MYO18B: variants seen among roughly 807,000 people sequenced by gnomAD.
The protein encoded by MYO18B is myosin XVIIIB, also known as unconventional myosin-XVIIIb.
MYO18B carries 204 observed loss-of-function variants against 273.0 expected under a neutral mutation model. The ratio of observed to expected loss-of-function variants is 0.75; its 90% CI spans 0.67 to 0.84. The LOEUF (loss-of-function observed/expected upper bound fraction) is 0.84, where lower values mean the gene tolerates loss of function less well. Ranked by LOEUF, MYO18B falls within the 40% of genes least tolerant of loss-of-function variation. The pLI is 0.00. For synonymous variants in MYO18B, 1,330 were observed against 1,305.7 expected, an observed-to-expected ratio of 1.02 and a Z score of -0.40; for missense variants, 3,212 against 3,287.6, an observed-to-expected ratio of 0.98 and a Z score of 0.56.
rs374841863 is a variant in MYO18B at position 25,755,998 on chromosome 22, C to T, written c.-109-4986C>T. ...CTGCAAGCTCTGCCTCCTGGGTTCA[C>T]GCCATACTTTTGCCTCAGCCTCCCC... On this transcript the variant is annotated intron_variant, in intron 1 of 43. Coordinates refer to ENST00000335473, the MANE Select transcript of MYO18B (RefSeq NM_032608.7). Among the ~76,000 whole-genome samples, 134 of 152,058 alleles carry T rather than the reference C, an allele frequency of 8.8e-4. 3 individuals are homozygous for T. The East Asian group carries it at 0.022, about 25-fold the overall frequency.
chr22:25,762,099 G>A (rs1392981335), intron 2 of MYO18B, among the ~76,000 whole-genome samples: 3 of 149,370 alleles, frequency 2.0e-5, no homozygotes, highest in African/African-American at 7.5e-5. Context: ...GCGAGACTCC[G>A]TCTCAAAAAA....
chr22:25,766,002 C>G (rs1320483426), intron 3 of MYO18B, among the ~76,000 whole-genome samples: 17 of 152,210 alleles, frequency 1.1e-4, no homozygotes, highest in Non-Finnish European at 2.9e-5. Context: ...ATGCTGAGCA[C>G]CAGCTGAACC....
chr22:25,860,887 ATT>A (rs695541), intron 21 of MYO18B, among the ~76,000 whole-genome samples: 14 of 142,758 alleles, frequency 9.8e-5, no homozygotes, highest in East Asian at 2.0e-4. Flanking sequence ...TATCATTGCT[ATT>A]TTTTTTTTTT....
chr22:25,756,453 A>C (rs1263997838), intron 1 of MYO18B: 1 of 152,214 alleles, frequency 6.6e-6, no homozygotes, highest in Non-Finnish European at 1.5e-5. Context: ...TGACATGCTG[A>C]TAGGCGTGGA....
At chr22:25,960,814 CAAG>C (rs1480365792) in intron 39 of MYO18B, among the ~76,000 whole-genome samples, 1 of 152,136 alleles carries the variant, frequency 6.6e-6, no homozygotes, top group African/African-American at 2.4e-5. Flanking sequence ...GGAGATCCTT[CAAG>C]AAGGAGCATA....
At chr22:26,002,250 T>G (rs1462776491) in intron 40 of MYO18B, among the ~76,000 whole-genome samples, 1 of 152,232 alleles carries the variant, frequency 6.6e-6, no homozygotes, top group Non-Finnish European at 1.5e-5. Flanking sequence ...TCTCTATTTA[T>G]AAAAATAAAT....
In MYO18B at chr22:25,768,444, C is replaced by G. The variant is rs750246294; in HGVS notation, c.528C>G (p.Pro176=). 13 of 1,344,738 alleles carry G rather than the reference C, an allele frequency of 9.7e-6. No individual in the cohort carries two copies. Among genetic ancestry groups the G allele is most frequent in the Admixed American group, 1.7e-5 (1 of 59,372 alleles). 83.3% of individuals were successfully genotyped at this position (1,344,738 alleles called of 1,614,324 possible). ...AGAAGACTCATCCCCATGACGCCCC[C>G]CCTTGCAAGACCTCTCCCCCCGCCA... ...KPEKTHPHDA[P]PCKTSPPATD... The change falls in exon 4 of 44, where the codon CCC becomes CCG. Residue 176 remains proline, a synonymous_variant. Coordinates refer to ENST00000335473, the MANE Select transcript of MYO18B (RefSeq NM_032608.7).
At position 25,795,809 on chromosome 22, in the gene MYO18B, T is replaced by G. The variant is rs1484196654; in HGVS notation, c.2377-2144T>G. Among the ~76,000 whole-genome samples, 16 of 152,284 alleles carry G rather than the reference T, an allele frequency of 1.1e-4. No homozygotes were observed. The South Asian group carries it at 2.5e-3, about 24-fold the overall frequency. On this transcript the variant is annotated intron_variant, in intron 11 of 43. Transcript: ENST00000335473. The stretch of plus-strand genomic sequence containing the variant: ...ATGCTTTGACGTCGTCCCAATTGGT[T>G]GATGATTCTTGCAAGTTTCCCAGTT...
At chr22:25,911,886 T>G (rs1410055897) in intron 33 of MYO18B, among the ~76,000 whole-genome samples, 1 of 152,218 alleles carries the variant, frequency 6.6e-6, no homozygotes, top group African/African-American at 2.4e-5. Context: ...CTCTATTCCC[T>G]TCCTGTGCTG....
At chr22:25,824,035 A>C (rs1450695550) in intron 13 of MYO18B, among the ~76,000 whole-genome samples, 1 of 152,092 alleles carries the variant, frequency 6.6e-6, no homozygotes, top group African/African-American at 2.4e-5. Flanking sequence ...TGAGGGATGG[A>C]AATCCCGAGT....
intron 1 of MYO18B, among the ~76,000 whole-genome samples, chr22:25,749,891 A>G (rs1488746118): frequency 6.6e-6 from 1 of 152,230 alleles, no homozygotes; most frequent in Non-Finnish European, 1.5e-5. Flanking sequence ...AGCAAATGAC[A>G]GCCCACGGCC....
intron 15 of MYO18B, among the ~76,000 whole-genome samples, chr22:25,829,795 G>A (rs59576426): frequency 0.04 from 6,019 of 151,872 alleles, 249 homozygotes; most frequent in African/African-American, 0.1. Flanking sequence ...CTGAGATTGC[G>A]CCACTGCACT....
Position 25,927,260 on chromosome 22 carries a change from A to G in MYO18B, c.5517+5851A>G, listed in dbSNP as rs910438664. ...AACAGAGCCATATTTCTCTTCTTTC[A>G]AAAGCAAATGGGAGAAATATCGCTG... On this transcript the variant is annotated intron_variant, in intron 34 of 43. Transcript: ENST00000335473. 5.3e-5 allele frequency among the ~76,000 whole-genome samples: 8 copies of G among 152,222 alleles called. No individual in the cohort carries two copies. The South Asian group carries it at 1.7e-3, about 31-fold the overall frequency.
intron 21 of MYO18B, 88 bp downstream of exon 21, chr22:25,851,667 G>A: frequency 1.0e-6 from 1 of 963,966 alleles, no homozygotes; most frequent in South Asian, 1.4e-5. Flanking sequence ...CACGGTGAGT[G>A]GCTCATGCCT....
intron 21 of MYO18B, among the ~76,000 whole-genome samples, chr22:25,866,644 T>C (rs1367265090): frequency 6.6e-6 from 1 of 151,938 alleles, no homozygotes; most frequent in Non-Finnish European, 1.5e-5. Context: ...ATGGAGACCA[T>C]CCTGGCTAAC....
chr22:26,057,124 A>C, the MYO18B span, among the ~76,000 whole-genome samples: 7 of 152,008 alleles, frequency 4.6e-5, no homozygotes, highest in Admixed American at 4.6e-4. Context: ...CCTTTTCCAC[A>C]TCAGAAGACT....
chr22:25,840,231 A>G (rs1475484413), intron 17 of MYO18B, among the ~76,000 whole-genome samples: 1 of 152,136 alleles, frequency 6.6e-6, no homozygotes, highest in Non-Finnish European at 1.5e-5. Context: ...CCATATGTGC[A>G]TGTTCCTCTC....
chr22:25,822,965 G>A (rs575273141), intron 12 of MYO18B, among the ~76,000 whole-genome samples: 2 of 152,306 alleles, frequency 1.3e-5, no homozygotes, highest in South Asian at 2.1e-4. Flanking sequence ...TCCTAGGGCC[G>A]GGTGGTGGTG....
At chr22:25,766,596 A>G (rs2086515050) in intron 3 of MYO18B, among the ~76,000 whole-genome samples, 1 of 152,174 alleles carries the variant, frequency 6.6e-6, no homozygotes, top group South Asian at 2.1e-4. Context: ...TGAGCTGGGT[A>G]TAGAAGATGA....
Sources: gnomAD v4.1 joint callset for allele counts (sites outside exome capture counted in the v4.1 genomes callset) on GRCh38, gnomAD v4.1.1 for gene constraint, MANE v1.5 for transcripts, NCBI Gene and HGNC (gene_info 2026-07-23, HGNC 2026-07-21) for gene names.